The following MTMR1 variants were observed in gnomAD, a reference collection of about 807,000 sequenced individuals.
MTMR1 encodes phosphatidylinositol-3-phosphate phosphatase MTMR1.
In MTMR1, 17 loss-of-function variants were observed where a neutral mutation model predicts 51.6. The observed-to-expected ratio is 0.33, with a 90% confidence interval of 0.23 to 0.49. The LOEUF (loss-of-function observed/expected upper bound fraction) is 0.49, where lower values mean the gene tolerates loss of function less well. Among genes scored for constraint, MTMR1 ranks in the 20% least tolerant of loss-of-function variants. The pLI, the probability that MTMR1 is intolerant of heterozygous loss-of-function variation, is 0.99. For missense variants in MTMR1, 386 were observed against 526.9 expected (o/e 0.73, Z 2.62); for synonymous variants, 201 against 205.6 (o/e 0.98, Z 0.19).
intron 4 of MTMR1, among the ~76,000 whole-genome samples, chrX:150,723,057 G>A (rs1223676142): frequency 2.1e-5 from 2 of 95,064 alleles, no homozygotes; most frequent in Non-Finnish European, 2.0e-5. Context: ...CTGTGTCCAT[G>A]TGTTCTCATT....
intron 13 of MTMR1, among the ~76,000 whole-genome samples, chrX:150,746,935 T>C (rs1402178964): frequency 8.9e-6 from 1 of 112,491 alleles, no homozygotes; most frequent in African/African-American, 3.2e-5. Flanking sequence ...TAGGAAAGAT[T>C]ATTTTTAGGT....
chrX:150,718,916 G>C (rs954547510), intron 4 of MTMR1, among the ~76,000 whole-genome samples: 2 of 110,642 alleles, frequency 1.8e-5, no homozygotes, highest in Non-Finnish European at 3.8e-5. Flanking sequence ...ATTTGATGGC[G>C]TTCCCAACAG....
At chrX:150,701,855 CT>C (rs1312589461) in intron 2 of MTMR1, among the ~76,000 whole-genome samples, 1 of 111,183 alleles carries the variant, frequency 9.0e-6, no homozygotes, top group Non-Finnish European at 1.9e-5. Flanking sequence ...GATCTTGCTT[CT>C]TTAAAAAAGT....
intron 2 of MTMR1, among the ~76,000 whole-genome samples, chrX:150,705,282 G>A (rs1557416044): frequency 9.0e-6 from 1 of 111,338 alleles, no homozygotes; most frequent in Non-Finnish European, 1.9e-5. Context: ...GGAGAGAGAG[G>A]GGATGGGGCT....
At position 150,731,638 on chromosome X, in the gene MTMR1, C is replaced by T. The variant is rs2042120483; in HGVS notation, c.891+19C>T. The T allele has an allele frequency of 8.6e-7, 1 of 1,168,369 alleles. No homozygotes were observed. Among genetic ancestry groups the T allele is most frequent in the African/African-American group, 1.8e-5 (1 of 56,105 alleles). On this transcript the variant is annotated intron_variant, in intron 9 of 15. Coordinates refer to ENST00000445323, the MANE Select transcript of MTMR1 (RefSeq NM_001306144.3). ...AGTCCCTGTAAGTAATAAACATTGT[C>T]ATTTATATAGGAATATATATTGCGT...
At chrX:150,756,463 T>C (rs1206617145) in intron 15 of MTMR1, among the ~76,000 whole-genome samples, 1 of 111,649 alleles carries the variant, frequency 9.0e-6, no homozygotes, top group African/African-American at 3.3e-5. Context: ...GTGGCTGAGC[T>C]CTGGCTGCGG....
At chrX:150,737,064 C>T (rs782270276) in intron 11 of MTMR1, among the ~76,000 whole-genome samples, 178 bp from the exon 12 acceptor site, 93 of 111,125 alleles carry the variant, frequency 8.4e-4, no homozygotes, top group Non-Finnish European at 1.7e-3. Context: ...TTTTTCTTTT[C>T]TTTTTATTTT....
At chrX:150,746,081 G>A (rs2042568314) in intron 13 of MTMR1, among the ~76,000 whole-genome samples, 1 of 112,512 alleles carries the variant, frequency 8.9e-6, no homozygotes, top group African/African-American at 3.2e-5. Flanking sequence ...AAGCTCTCAG[G>A]TGATGCCATC....
rs781984004 is a variant in MTMR1, at chrX:150,707,483, C to T, written c.253-4859C>T. ...CATGGCAGGTAAGCACGTGAAAAGA[C>T]GTTCAACATCATTTCTCAATAGGGG... On this transcript the variant is annotated intron_variant, in intron 2 of 15. Transcript: ENST00000445323. Among the ~76,000 whole-genome samples the T allele has an allele frequency of 1.7e-4, 19 of 112,550 alleles. No homozygotes were observed. In the South Asian group the frequency reaches 5.4e-3, roughly 32 times the overall value.
At chrX:150,749,796 A>G (rs1557417543) in intron 13 of MTMR1, among the ~76,000 whole-genome samples, 1 of 111,988 alleles carries the variant, frequency 8.9e-6, no homozygotes, top group Non-Finnish European at 1.9e-5. Flanking sequence ...ATGTTGTGTT[A>G]CCTTTTTAAA....
chrX:150,725,550 G>A (rs1319888160), intron 4 of MTMR1, among the ~76,000 whole-genome samples: 1 of 111,375 alleles, frequency 9.0e-6, no homozygotes, highest in Non-Finnish European at 1.9e-5. Context: ...TGTTTGTTTT[G>A]TTATGTAACT....
At chrX:150,751,347 G>A in intron 14 of MTMR1, 2 of 443,861 alleles carry the variant, frequency 4.5e-6, no homozygotes, top group Non-Finnish European at 5.7e-6. Flanking sequence ...GGATAAAAGA[G>A]AAACGTGGTC....
chrX:150,704,034 T>C lies in MTMR1; in HGVS notation c.252+4734T>C, dbSNP rs188105665. 2.4e-4 allele frequency among the ~76,000 whole-genome samples: 27 copies of C among 111,968 alleles called. No individual in the cohort carries two copies. In the East Asian group the frequency reaches 6.7e-3, roughly 28 times the overall value. ...GAAAAAATGGAGCAAATGTATTTTC[T>C]CTTATTCTTTGTACTAAGTACAACT... On this transcript the variant is annotated intron_variant, in intron 2 of 15. Coordinates refer to ENST00000445323, the MANE Select transcript of MTMR1 (RefSeq NM_001306144.3).
chrX:150,717,894 T>G (rs2041595619), intron 3 of MTMR1, among the ~76,000 whole-genome samples: 1 of 113,020 alleles, frequency 8.8e-6, no homozygotes, highest in Admixed American at 9.3e-5. Flanking sequence ...AAGTAAATTG[T>G]CTTGAGACAT....
intron 14 of MTMR1, among the ~76,000 whole-genome samples, chrX:150,753,198 T>C (rs1029980813): frequency 8.9e-6 from 1 of 112,599 alleles, no homozygotes; most frequent in African/African-American, 3.2e-5. Flanking sequence ...CAATATTCCG[T>C]TATATGGATA....
intron 6 of MTMR1, among the ~76,000 whole-genome samples, chrX:150,728,690 C>T (rs781928151): frequency 3.6e-5 from 4 of 110,637 alleles, no homozygotes; most frequent in East Asian, 2.8e-4. Context: ...AGTGACTTGA[C>T]TTTGGTAATG....
At chrX:150,742,309 C>A (rs2042445745) in intron 12 of MTMR1, among the ~76,000 whole-genome samples, 1 of 111,380 alleles carries the variant, frequency 9.0e-6, no homozygotes, top group Non-Finnish European at 1.9e-5. Context: ...AACTGTAATA[C>A]CATGGTAAGT....
intron 1 of MTMR1, among the ~76,000 whole-genome samples, chrX:150,697,366 G>A: frequency 9.0e-6 from 1 of 111,710 alleles, no homozygotes; most frequent in Middle Eastern, 4.6e-3. Flanking sequence ...TACTATTTGG[G>A]TCATTTTCCA....
chrX:150,722,568 A>T (rs2041785178), intron 4 of MTMR1, among the ~76,000 whole-genome samples: 1 of 111,509 alleles, frequency 9.0e-6, no homozygotes, highest in African/African-American at 3.3e-5. Context: ...TACTAACATG[A>T]TATACCTATT....
Sources: gnomAD v4.1 joint callset for allele counts (sites outside exome capture counted in the v4.1 genomes callset) on GRCh38, gnomAD v4.1.1 for gene constraint, MANE v1.5 for transcripts, NCBI Gene and HGNC (gene_info 2026-07-23, HGNC 2026-07-21) for gene names.